Variants in INPP4A observed in about 807,000 individuals in gnomAD.
INPP4A encodes inositol polyphosphate-4-phosphatase type I A.
INPP4A carries 33 observed loss-of-function variants against 119.8 expected under a neutral mutation model. The observed-to-expected ratio is 0.28, with a 90% CI of 0.21 to 0.37. INPP4A has a LOEUF of 0.37. Among genes scored for constraint, INPP4A ranks in the 10% least tolerant of loss-of-function variants. The pLI, the probability that INPP4A is intolerant of heterozygous loss-of-function variation, is 1.00. For synonymous variants in INPP4A, 496 were observed against 500.7 expected, an observed-to-expected ratio of 0.99 and a Z score of 0.12; for missense variants, 956 against 1,289.9, an observed-to-expected ratio of 0.74 and a Z score of 3.97.
At chr2:98,585,245 C>G (rs899867948) in intron 24 of INPP4A, among the ~76,000 whole-genome samples, 2 of 152,180 alleles carry the variant, frequency 1.3e-5, no homozygotes, top group Admixed American at 1.3e-4. Context: ...CATAGAATCA[C>G]TAAGATACTG....
chr2:98,506,427 G>T (rs574356356), intron 1 of INPP4A, among the ~76,000 whole-genome samples: 1 of 152,376 alleles, frequency 6.6e-6, no homozygotes, highest in South Asian at 2.1e-4. Context: ...CAGCCCAGCG[G>T]TGTGGTGTGA....
intron 19 of INPP4A, 33 bp from the exon 20 acceptor site, chr2:98,565,607 T>C: frequency 6.3e-7 from 1 of 1,578,722 alleles, no homozygotes; most frequent in East Asian, 2.3e-5. Context: ...CAGGGCCCTC[T>C]GCCTGACAGC....
intron 16 of INPP4A, among the ~76,000 whole-genome samples, chr2:98,556,990 T>C (rs1230296707): frequency 6.6e-6 from 1 of 152,248 alleles, no homozygotes; most frequent in Non-Finnish European, 1.5e-5. Context: ...TTCTGAAAAT[T>C]CATTGTTTAT....
chr2:98,494,054 G>C (rs1317927032), intron 1 of INPP4A, among the ~76,000 whole-genome samples: 1 of 152,232 alleles, frequency 6.6e-6, no homozygotes, highest in African/African-American at 2.4e-5. Flanking sequence ...AAGAATAGCA[G>C]ATGTCTGTGG....
Position 98,453,917 on chromosome 2 carries a change from G to A in INPP4A, c.-166+8832G>A, listed in dbSNP as rs998044919. Among the ~76,000 whole-genome samples the A allele has an allele frequency of 3.9e-5, 6 of 152,146 alleles. No individual in the cohort carries two copies. The East Asian group carries it at 5.8e-4, about 15-fold the overall frequency. On this transcript the variant is annotated intron_variant, in intron 1 of 24. Transcript: ENST00000409851. The stretch of plus-strand genomic sequence containing the variant: ...AGGTCGGGGGTTCAAGACCATCCTG[G>A]CCAACGTAGTGAAAACCCGTCTCTA...
Position 98,508,773 on chromosome 2 carries a change from C to T in INPP4A, c.-165-10191C>T, listed in dbSNP as rs140585103. On this transcript the variant is annotated intron_variant, in intron 1 of 24. Coordinates refer to ENST00000409851, the MANE Select transcript of INPP4A (RefSeq NM_001134225.2). ...TTGCCTGTTGTAGGAGAGAGAACCG[C>T]GCTGCTCCTGGTGCACGCTGACTGC... Among the ~76,000 whole-genome samples, 14 of 152,322 alleles carry T rather than the reference C, an allele frequency of 9.2e-5. No individual in the cohort carries two copies. In the East Asian group the frequency reaches 2.7e-3, roughly 29 times the overall value.
chr2:98,445,238 C>G (rs1251851847), intron 1 of INPP4A, among the ~76,000 whole-genome samples, 153 bp downstream of exon 1: 2 of 152,114 alleles, frequency 1.3e-5, no homozygotes, highest in Non-Finnish European at 2.9e-5. Context: ...CCTAACGGTG[C>G]CAGTGGTCCA....
chr2:98,533,896 GGTTTTT>G (rs143030557), intron 5 of INPP4A, among the ~76,000 whole-genome samples: 11 of 152,128 alleles, frequency 7.2e-5, no homozygotes, highest in Non-Finnish European at 1.6e-4. Flanking sequence ...TATTTTTGTT[GGTTTTT>G]GTTTTTACAG....
rs370265054 is a variant in INPP4A at position 98,535,920 on chromosome 2, AACACAGATTG to A, written c.387+78_387+87del. 2,686 of 799,170 alleles carry A rather than the reference AACACAGATTG, an allele frequency of 3.4e-3. 15 individuals carry two copies. Among genetic ancestry groups the A allele is most frequent in the Non-Finnish European group, 4.8e-3 (2,273 of 468,796 alleles). 49.5% of individuals were successfully genotyped at this position (799,170 alleles called of 1,614,324 possible). A position where few individuals can be genotyped will look rare whatever the true frequency, so the allele number is the denominator to read the frequency against. On this transcript the variant is annotated intron_variant, in intron 6 of 24. Coordinates refer to ENST00000409851, the MANE Select transcript of INPP4A (RefSeq NM_001134225.2). Reference sequence around the variant, plus strand: ...TATATAATCGTTTGAATGAGAGATGAACACAGATTGACTTCACTACTGGCTCACAAGTTAA... The same window carrying A: ...TATATAATCGTTTGAATGAGAGATGAACTTCACTACTGGCTCACAAGTTAA...
intron 13 of INPP4A, 63 bp from the exon 14 acceptor site, chr2:98,552,723 A>C (rs1693757943): frequency 7.5e-7 from 1 of 1,330,046 alleles, no homozygotes; most frequent in Non-Finnish European, 1.1e-6. Flanking sequence ...TGGGGTTGGA[A>C]TGATGCTGTC....
chr2:98,498,367 A>G (rs1022159601), intron 1 of INPP4A, among the ~76,000 whole-genome samples: 1 of 152,044 alleles, frequency 6.6e-6, no homozygotes, highest in African/African-American at 2.4e-5. Context: ...GCGATGTAAG[A>G]TGTGCCTTTT....
intron 24 of INPP4A, among the ~76,000 whole-genome samples, chr2:98,577,606 C>G (rs1017117627): frequency 6.6e-6 from 1 of 152,238 alleles, no homozygotes; most frequent in Non-Finnish European, 1.5e-5. Flanking sequence ...TCGGTCTGCT[C>G]TGCTGCTTCT....
intron 18 of INPP4A, 127 bp from the exon 19 acceptor site, chr2:98,564,513 G>A (rs1049623328): frequency 1.7e-6 from 2 of 1,153,606 alleles, no homozygotes; most frequent in Admixed American, 2.0e-5. Context: ...AGGGATGGGA[G>A]GTGCCACTGA....
chr2:98,485,124 G>T (rs1214136124), intron 1 of INPP4A, among the ~76,000 whole-genome samples: 1 of 152,220 alleles, frequency 6.6e-6, no homozygotes, highest in Non-Finnish European at 1.5e-5. Flanking sequence ...ATCTAAATGA[G>T]TGTGACCTCA....
chr2:98,519,976 G>A lies in INPP4A; in HGVS notation c.-73G>A. The stretch of plus-strand genomic sequence containing the variant: ...CTGCCACTTTAGTGGACTAGGGCTC[G>A]GTGCCAGCACTTCCCGGGTAATCAG... On this transcript the variant is annotated 5_prime_UTR_variant, in exon 3 of 25. Transcript: ENST00000409851. 4 of 1,247,996 alleles carry A rather than the reference G, an allele frequency of 3.2e-6. No homozygotes were observed. Among genetic ancestry groups the A allele is most frequent in the Non-Finnish European group, 4.6e-6 (4 of 870,284 alleles). 77.3% of individuals were successfully genotyped at this position (1,247,996 alleles called of 1,614,324 possible). A position where few individuals can be genotyped will look rare whatever the true frequency, so the allele number is the denominator to read the frequency against.
At chr2:98,471,093 A>G (rs1351774280) in intron 1 of INPP4A, among the ~76,000 whole-genome samples, 1 of 152,102 alleles carries the variant, frequency 6.6e-6, no homozygotes, top group Admixed American at 6.5e-5. Flanking sequence ...CAAGCTTTTG[A>G]TTTGAGATCA....
At chr2:98,572,710 T>C (rs1697689557) in intron 22 of INPP4A, 105 bp from the exon 23 acceptor site, 1 of 684,820 alleles carries the variant, frequency 1.5e-6, no homozygotes, top group Non-Finnish European at 2.4e-6. Context: ...CGGGAACTCA[T>C]TGTTTTACCA....
At chr2:98,449,865 A>C (rs1048057564) in intron 1 of INPP4A, among the ~76,000 whole-genome samples, 1 of 152,208 alleles carries the variant, frequency 6.6e-6, no homozygotes, top group Non-Finnish European at 1.5e-5. Context: ...TTGCCAATCT[A>C]ATGGGCAAGG....
In INPP4A at chr2:98,537,913, TGGA is replaced by T; in HGVS notation, c.523_525del (p.Glu175del). The T allele has an allele frequency of 6.2e-7, 1 of 1,613,318 alleles. No homozygotes were observed. The highest frequency in any genetic ancestry group is 8.5e-7 in the Non-Finnish European group (1 of 1,179,644). On this transcript the variant is annotated inframe_deletion, in exon 8 of 25. Transcript: ENST00000409851. ...AACATCACCGTGATTGGCTGGCAGATGGAGGAGAAGTCAGACCAACGGCCCCCT... is the reference window on the plus strand; with the variant it reads ...AACATCACCGTGATTGGCTGGCAGATGGAGAAGTCAGACCAACGGCCCCCT...
Sources: allele counts gnomAD v4.1 joint callset (sites outside exome capture counted in the v4.1 genomes callset), GRCh38; gene constraint gnomAD v4.1.1; transcripts MANE v1.5; gene names NCBI Gene and HGNC (gene_info 2026-07-23, HGNC 2026-07-21).